The following HK3 variants were observed in gnomAD, a reference collection of about 807,000 sequenced individuals.
The protein encoded by HK3 is hexokinase 3, also known as hexokinase-3.
Under a neutral mutation model 91.0 loss-of-function variants are expected in HK3, and 93 were observed. The observed-to-expected ratio is 1.02, with a 90% confidence interval of 0.86 to 1.21. The LOEUF is 1.21. HK3 is among the 50% of genes most tolerant of loss of function. HK3 has a pLI of 0.00. For missense variants in HK3, 1,235 were observed against 1,247.4 expected (o/e 0.99, Z 0.15); for synonymous variants, 519 against 516.9 (o/e 1.00, Z -0.06).
chr5:176,887,861 G>A lies in HK3; in HGVS notation c.1305-115C>T, dbSNP rs1758644358. 9.5e-7 allele frequency: 1 copy of A among 1,052,500 alleles called. No individual in the cohort carries two copies. The allele number at this position is 1,052,500 out of a possible 1,614,324, so 65.2% of individuals were successfully genotyped here. A position where few individuals can be genotyped will look rare whatever the true frequency, so the allele number is the denominator to read the frequency against. Reference sequence around the variant, plus strand: ...TACAGGTGTGCCCAGCTTGGCCCCAGACCCCTAGGGCCTCCTGAAGCCCAA... The same window carrying A: ...TACAGGTGTGCCCAGCTTGGCCCCAAACCCCTAGGGCCTCCTGAAGCCCAA... On this transcript the variant is annotated intron_variant, in intron 10 of 18. Coordinates refer to ENST00000292432, the MANE Select transcript of HK3 (RefSeq NM_002115.3). This position sits in a 1 kb window ranked among gnomAD's most constrained non-coding sequence, Gnocchi z 4.9.
chr5:176,882,753 C>T (rs1758475478), intron 15 of HK3, among the ~76,000 whole-genome samples: 1 of 152,184 alleles, frequency 6.6e-6, no homozygotes, highest in Non-Finnish European at 1.5e-5. Flanking sequence ...GCATTCCAGG[C>T]AGAGGACGCA....
Position 176,883,858 on chromosome 5 carries a change from C to A in HK3, c.1965G>T (p.Leu655=). 1 of 1,614,118 alleles carries A rather than the reference C, an allele frequency of 6.2e-7. No individual in the cohort carries two copies. The highest frequency in any genetic ancestry group is 8.5e-7 in the Non-Finnish European group (1 of 1,180,008). ...TGTCATTGACAATGGCAACCACATT[C>A]AGCTCCACTGCCTGCACACAAAAGG... ...EAITRRQAVE[L]NVVAIVNDTV... is the part of the protein sequence containing the mutation. Residue 655 remains leucine, a synonymous_variant, in exon 15 of 19, where the codon CTG becomes CTT. Coordinates refer to ENST00000292432, the MANE Select transcript of HK3 (RefSeq NM_002115.3).
chr5:176,891,771 G>A (rs531980292), intron 2 of HK3, among the ~76,000 whole-genome samples: 3 of 152,172 alleles, frequency 2.0e-5, no homozygotes, highest in East Asian at 1.9e-4. Context: ...ATTACCTCAC[G>A]GCTCCTTCTC....
rs370694476 is a variant in HK3, at chr5:176,881,989, A to G, written c.2192T>C (p.Phe731Ser). 23 of 1,613,436 alleles carry G rather than the reference A, an allele frequency of 1.4e-5. No homozygotes were observed. The African/African-American group carries it at 2.5e-4, about 18-fold the overall frequency. The part of the protein sequence containing the change: ...DGSLAMLSTR[F>S]DASVDQASIN... ...GGACGCCTGGTCCACACTTGCATCA[A>G]AGCGGGTGCTGAGCATGGCCAGAGA... The change falls in exon 16 of 19, where the codon TTT becomes TCT. Residue 731 changes from phenylalanine (F) to serine (S), a missense_variant. Physicochemically the swap from Phe to Ser is radical, Grantham distance 155. Around this residue, in one of 3 missense-constraint regions of HK3, gnomAD observed 513 missense variants for 477.4 expected, o/e 1.07. Transcript: ENST00000292432.
At chr5:176,888,230 G>T in intron 10 of HK3, 102 bp downstream of exon 10, 1 of 967,068 alleles carries the variant, frequency 1.0e-6, no homozygotes, top group Non-Finnish European at 1.6e-6. Context: ...AGTGCCCTTC[G>T]TGTCCACTGG....
chr5:176,895,668 C>T (rs1043308895), intron 2 of HK3, among the ~76,000 whole-genome samples: 3 of 152,172 alleles, frequency 2.0e-5, no homozygotes, highest in East Asian at 1.9e-4. Context: ...ACTGGAGAGG[C>T]GGGAAAGGAA....
intron 2 of HK3, among the ~76,000 whole-genome samples, 166 bp from the exon 3 acceptor site, chr5:176,891,716 G>A (rs902736408): frequency 2.0e-5 from 3 of 152,084 alleles, no homozygotes; most frequent in Non-Finnish European, 2.9e-5. Flanking sequence ...TCCTCAGAAG[G>A]CTCTGTCCTG....
intron 15 of HK3, among the ~76,000 whole-genome samples, chr5:176,882,941 A>C (rs767449340): frequency 3.9e-5 from 6 of 152,046 alleles, no homozygotes; most frequent in Non-Finnish European, 8.8e-5. Flanking sequence ...CCTCCCCCTC[A>C]AGAGAGGCTG....
At chr5:176,888,618 A>T in intron 9 of HK3, 53 bp from the exon 10 acceptor site, 6 of 1,609,468 alleles carry the variant, frequency 3.7e-6, no homozygotes, top group Non-Finnish European at 5.1e-6. Flanking sequence ...TCCCCATCCC[A>T]CTAAAGCCCC....
intron 17 of HK3, 55 bp downstream of exon 17, chr5:176,881,637 C>A (rs1231917666): frequency 6.2e-7 from 1 of 1,606,834 alleles, no homozygotes; most frequent in Non-Finnish European, 8.5e-7. Flanking sequence ...AGCAATCCCC[C>A]ACAGTGGACA....
Position 176,882,031 on chromosome 5 carries a change from G to A in HK3, c.2150C>T (p.Ala717Val), listed in dbSNP as rs1374663769. Reference sequence around the variant, plus strand: ...GGCCAGAGAGCCATCGTCCCCAAAGGCGCCCCACTCCATGTTGATGCACAT... The same window carrying A: ...GGCCAGAGAGCCATCGTCCCCAAAGACGCCCCACTCCATGTTGATGCACAT... ...GRMCINMEWG[A>V]FGDDGSLAML... The change falls in exon 16 of 19, where the codon GCC becomes GTC. Residue 717 changes from alanine (A) to valine (V), a missense_variant. Transcript: ENST00000292432. 6.2e-7 allele frequency: 1 copy of A among 1,613,214 alleles called. No individual in the cohort carries two copies. Among genetic ancestry groups the A allele is most frequent in the Non-Finnish European group, 8.5e-7 (1 of 1,180,024 alleles).
Position 176,891,207 on chromosome 5 carries a change from G to T in HK3, c.260-16C>A, listed in dbSNP as rs754717699. 6.8e-6 allele frequency: 11 copies of T among 1,614,076 alleles called. No homozygotes were observed. Among genetic ancestry groups the T allele is most frequent in the East Asian group, 2.2e-5 (1 of 44,872 alleles). ...TCTCCTTGCTCTGGAGGGCAAGCAGGTCACAGAAAGCCATGCAGCTGGCAA... is the reference window on the plus strand; with the variant it reads ...TCTCCTTGCTCTGGAGGGCAAGCAGTTCACAGAAAGCCATGCAGCTGGCAA... On this transcript the variant is annotated splice_polypyrimidine_tract_variant and intron_variant, in intron 3 of 18. Transcript: ENST00000292432.
intron 2 of HK3, among the ~76,000 whole-genome samples, chr5:176,895,501 T>C (rs1406694748): frequency 6.6e-6 from 1 of 152,232 alleles, no homozygotes; most frequent in Admixed American, 6.5e-5. Context: ...AAGAGTTTCC[T>C]GCTCAAGGGT....
intron 9 of HK3, 66 bp downstream of exon 9, chr5:176,888,643 A>G: frequency 6.2e-7 from 1 of 1,611,542 alleles, no homozygotes; most frequent in Non-Finnish European, 8.5e-7. Flanking sequence ...CTACCTTGGG[A>G]ACAGAGTATC....
Position 176,890,322 on chromosome 5 carries a change from G to A in HK3, c.630+313C>T, listed in dbSNP as rs183301546. 1.0e-3 allele frequency among the ~76,000 whole-genome samples: 154 copies of A among 152,308 alleles called. 1 individual carries two copies. The highest frequency in any genetic ancestry group is 3.1e-3 in the African/African-American group (129 of 41,564). ...TGTCCACGCACTCCTCCTTGACACG[G>A]ACAATCTTTTATTAGAATGCTTCCC... On this transcript the variant is annotated intron_variant, in intron 6 of 18. Coordinates refer to ENST00000292432, the MANE Select transcript of HK3 (RefSeq NM_002115.3).
intron 2 of HK3, among the ~76,000 whole-genome samples, chr5:176,895,076 C>CTTTT (rs35622796): frequency 8.8e-6 from 1 of 113,732 alleles, no homozygotes; most frequent in Non-Finnish European, 1.7e-5. Flanking sequence ...TGCGCCCGGA[C>CTTTT]TTTTTTTTTT....
chr5:176,891,413 G>A lies in HK3; in HGVS notation c.234C>T (p.Tyr78=), dbSNP rs769304037. 5.0e-6 allele frequency: 8 copies of A among 1,613,606 alleles called. No homozygotes were observed. The highest frequency in any genetic ancestry group is 4.4e-5 in the South Asian group (4 of 91,024). The stretch of plus-strand genomic sequence containing the variant: ...CAGTGCCATGTGGGGTGGACCCCAC[G>A]TATGTAGGCAGCATCCGGACCGCAG... The part of the protein sequence containing the change: ...PAPAVRMLPT[Y]VGSTPHGTEQ... The change falls in exon 3 of 19, where the codon TAC becomes TAT. Residue 78 remains tyrosine, a synonymous_variant. Transcript: ENST00000292432.
chr5:176,894,111 T>C (rs1231117217), intron 2 of HK3, among the ~76,000 whole-genome samples: 1 of 152,168 alleles, frequency 6.6e-6, no homozygotes. Context: ...ACATAGGAGA[T>C]GCTCAGTGGA....
chr5:176,883,603 C>T (rs571808766), intron 15 of HK3, among the ~76,000 whole-genome samples, 167 bp downstream of exon 15: 39 of 152,276 alleles, frequency 2.6e-4, no homozygotes, highest in African/African-American at 8.4e-4. Flanking sequence ...CTGGACTATA[C>T]ACCCAAGCTC....
Sources: gnomAD v4.1 joint callset for allele counts (sites outside exome capture counted in the v4.1 genomes callset) on GRCh38, gnomAD v4.1.1 for gene constraint, gnomAD v4.1.1 regional missense constraint, Gnocchi (gnomAD v3.1) non-coding constraint, MANE v1.5 for transcripts, NCBI Gene and HGNC (gene_info 2026-07-23, HGNC 2026-07-21) for gene names.